CCDC138: variants seen among roughly 807,000 people sequenced by gnomAD.
CCDC138 encodes the protein coiled-coil domain-containing protein 138.
CCDC138 carries 66 observed loss-of-function variants against 82.3 expected under a neutral mutation model. The observed-to-expected ratio is 0.80, with a 90% CI of 0.66 to 0.98. CCDC138 has a LOEUF of 0.98. Ranked by LOEUF, CCDC138 falls within the 50% of genes least tolerant of loss-of-function variation. The probability of loss-of-function intolerance (pLI) is 0.00; values close to 1 mark genes in which losing one functional copy is unlikely to be tolerated. For synonymous variants in CCDC138, 297 were observed against 265.4 expected, an observed-to-expected ratio of 1.12 and a Z score of -1.16; for missense variants, 816 against 758.9, an observed-to-expected ratio of 1.08 and a Z score of -0.88.
chr2:108,827,236 T>C (rs1275041880), intron 10 of CCDC138, among the ~76,000 whole-genome samples: 1 of 152,142 alleles, frequency 6.6e-6, no homozygotes, highest in Admixed American at 6.5e-5. Flanking sequence ...AACCAAAAAA[T>C]TATTAGAACT....
Position 108,786,901 on chromosome 2 carries a change from A to T in CCDC138, c.79A>T (p.Ser27Cys). The change falls in exon 1 of 15, where the codon AGC (serine) becomes TGC (cysteine). Residue 27 changes from serine (S) to cysteine (C), a missense_variant. Transcript: ENST00000295124. ...SLKSRYGLGG[S>C]CPDEYDFSNF... The stretch of plus-strand genomic sequence containing the variant: ...CAAAAGCCGCTACGGACTCGGGGGC[A>T]GCTGCCCCGACGAGGTGAAGCCGCC... 2 of 1,547,894 alleles carry T rather than the reference A, an allele frequency of 1.3e-6. No homozygotes were observed. The highest frequency in any genetic ancestry group is 1.7e-6 in the Non-Finnish European group (2 of 1,150,038).
chr2:108,846,744 A>G lies in CCDC138; in HGVS notation c.1330A>G (p.Thr444Ala). ...RQLDAGAQHS[T>A]MTSTLRRLGE... ...TTGTACATATTTTTAACAGCACTCG[A>G]CTATGACATCAACATTGAGGAGATT... The change falls in exon 12 of 15, where the codon ACT becomes GCT. Residue 444 changes from threonine (T) to alanine (A), a missense_variant. By Grantham distance (58) the Thr-to-Ala change is moderately conservative (BLOSUM62 0). Transcript: ENST00000295124. The G allele has an allele frequency of 1.2e-6, 2 of 1,607,618 alleles. No homozygotes were observed. The highest frequency in any genetic ancestry group is 1.7e-6 in the Non-Finnish European group (2 of 1,177,424).
intron 1 of CCDC138, 105 bp downstream of exon 1, chr2:108,787,020 G>C: frequency 1.5e-6 from 1 of 661,300 alleles, no homozygotes; most frequent in Non-Finnish European, 2.2e-6. Context: ...CTCTGGTCCC[G>C]GCCCCGGCAC....
intron 10 of CCDC138, among the ~76,000 whole-genome samples, chr2:108,833,962 G>A (rs1258012439): frequency 7.2e-6 from 1 of 139,206 alleles, no homozygotes; most frequent in Non-Finnish European, 1.5e-5. Flanking sequence ...TAGCCAGGAT[G>A]GTCTCTATCT....
At chr2:108,823,699 G>A (rs1686086974) in intron 10 of CCDC138, among the ~76,000 whole-genome samples, 1 of 152,160 alleles carries the variant, frequency 6.6e-6, no homozygotes, top group Admixed American at 6.5e-5. Flanking sequence ...GGTGCACCTG[G>A]GCCAGGCTCA....
In CCDC138 at chr2:108,872,247, G is replaced by A. The variant is rs148516545; in HGVS notation, c.1694-1204G>A. Among the ~76,000 whole-genome samples the A allele has an allele frequency of 4.6e-3, 705 of 152,070 alleles. 4 individuals are homozygous for A. The highest frequency in any genetic ancestry group is 0.017 in the Middle Eastern group (5 of 294). On this transcript the variant is annotated intron_variant, in intron 13 of 14. Transcript: ENST00000295124. ...TCCTTCTCCTCCTCCCCCCACCATA[G>A]CATCCTGCCATTGGTGCCCAAAATT... is the stretch of plus-strand genomic sequence containing the variant.
At position 108,815,949 on chromosome 2, in the gene CCDC138, T is replaced by A. The variant is rs1193050240; in HGVS notation, c.1050T>A (p.Leu350=). The change falls in exon 10 of 15, where the codon CTT becomes CTA. Residue 350 remains leucine, a synonymous_variant. Transcript: ENST00000295124. ...APVSKTYKVP[L]NGQVYELLTV... The stretch of plus-strand genomic sequence containing the variant: ...TAATTTTTGACATATAGGTACCACT[T>A]AATGGGCAAGTTTATGAACTTTTAA... The A allele has an allele frequency of 1.2e-6, 2 of 1,607,590 alleles. No individual in the cohort carries two copies. Among genetic ancestry groups the A allele is most frequent in the Admixed American group, 3.4e-5 (2 of 58,374 alleles).
At chr2:108,835,347 G>A (rs1487982325) in intron 10 of CCDC138, among the ~76,000 whole-genome samples, 1 of 152,042 alleles carries the variant, frequency 6.6e-6, no homozygotes, top group Non-Finnish European at 1.5e-5. Flanking sequence ...CATCTCAGCC[G>A]TGAGCTCAAA....
At chr2:108,870,473 T>C (rs561463956) in intron 13 of CCDC138, among the ~76,000 whole-genome samples, 1 of 151,942 alleles carries the variant, frequency 6.6e-6, no homozygotes, top group Non-Finnish European at 1.5e-5. Context: ...CTTATCAAAT[T>C]TGAGGAAAGA....
At chr2:108,865,290 C>T (rs1207953926) in intron 13 of CCDC138, among the ~76,000 whole-genome samples, 2 of 152,108 alleles carry the variant, frequency 1.3e-5, no homozygotes, top group Non-Finnish European at 2.9e-5. Context: ...ATAAACAGTG[C>T]TTCTGTGAAT....
intron 12 of CCDC138, among the ~76,000 whole-genome samples, chr2:108,855,516 A>C (rs1167692040): frequency 6.6e-6 from 1 of 152,122 alleles, no homozygotes; most frequent in Non-Finnish European, 1.5e-5. Flanking sequence ...TTTCTAAATA[A>C]GGCAAGTCTG....
At chr2:108,795,559 A>T (rs1487968833) in intron 5 of CCDC138, among the ~76,000 whole-genome samples, 1 of 152,258 alleles carries the variant, frequency 6.6e-6, no homozygotes, top group Non-Finnish European at 1.5e-5. Context: ...CGTTGGAAAC[A>T]CATGAAATAG....
intron 7 of CCDC138, among the ~76,000 whole-genome samples, chr2:108,811,851 T>C (rs1268284600): frequency 6.6e-6 from 1 of 152,188 alleles, no homozygotes; most frequent in Non-Finnish European, 1.5e-5. Flanking sequence ...CTTTGACTTA[T>C]AAATGAGAAC....
intron 10 of CCDC138, among the ~76,000 whole-genome samples, chr2:108,834,460 A>G (rs3954225): frequency 0.92 from 139,401 of 152,116 alleles, 63,936 homozygotes; most frequent in East Asian, 1. Flanking sequence ...GGTGATCCAC[A>G]CGCCTTGGCC....
At position 108,856,787 on chromosome 2, in the gene CCDC138, T is replaced by C. The variant is rs919309281; in HGVS notation, c.1517-7T>C. On this transcript the variant is annotated splice_region_variant and splice_polypyrimidine_tract_variant and intron_variant, in intron 12 of 14. Coordinates refer to ENST00000295124, the MANE Select transcript of CCDC138 (RefSeq NM_144978.3). Reference sequence around the variant, plus strand: ...ACTGCAGTTGATTGTACATAACTATTTTCCAGCTGATTACCTGGCTCAGGC... The same window carrying C: ...ACTGCAGTTGATTGTACATAACTATCTTCCAGCTGATTACCTGGCTCAGGC... 8 of 1,611,994 alleles carry C rather than the reference T, an allele frequency of 5.0e-6. No individual in the cohort carries two copies. The highest frequency in any genetic ancestry group is 6.8e-6 in the Non-Finnish European group (8 of 1,179,372).
chr2:108,817,475 T>C (rs913569950), intron 10 of CCDC138, among the ~76,000 whole-genome samples: 2 of 152,034 alleles, frequency 1.3e-5, no homozygotes, highest in Non-Finnish European at 2.9e-5. Context: ...GTATTTTTAG[T>C]AGAGACGGGG....
chr2:108,851,801 A>T (rs1426812525), intron 12 of CCDC138, among the ~76,000 whole-genome samples: 1 of 152,178 alleles, frequency 6.6e-6, no homozygotes, highest in Admixed American at 6.5e-5. Flanking sequence ...ACCCAACATC[A>T]TAACAAAGAC....
intron 4 of CCDC138, among the ~76,000 whole-genome samples, chr2:108,793,959 T>C (rs1680403781): frequency 6.6e-6 from 1 of 152,148 alleles, no homozygotes; most frequent in Non-Finnish European, 1.5e-5. Flanking sequence ...CTGTAGCATC[T>C]GTATAGCCAA....
intron 6 of CCDC138, among the ~76,000 whole-genome samples, chr2:108,803,273 G>A (rs557425398): frequency 9.2e-5 from 14 of 152,258 alleles, no homozygotes; most frequent in Non-Finnish European, 1.3e-4. Context: ...GTACAGGTTC[G>A]TAAACACCAG....
Sources: allele counts gnomAD v4.1 joint callset (sites outside exome capture counted in the v4.1 genomes callset), GRCh38; gene constraint gnomAD v4.1.1; transcripts MANE v1.5; gene names NCBI Gene and HGNC (gene_info 2026-07-23, HGNC 2026-07-21).